The following FRMD4A variants were observed in gnomAD, a reference collection of about 807,000 sequenced individuals.
FRMD4A encodes the protein FERM domain containing 4A, also known as FERM domain-containing protein 4A.
A neutral mutation model predicts 129.1 loss-of-function variants in FRMD4A; 29 were observed. That is an observed-to-expected ratio of 0.22 (90% confidence interval 0.17 to 0.31). The LOEUF is 0.31. FRMD4A is among the 10% of genes least tolerant of loss of function. The pLI, the probability that FRMD4A is intolerant of heterozygous loss-of-function variation, is 1.00. For missense variants in FRMD4A, 1,272 were observed against 1,375.8 expected, an observed-to-expected ratio of 0.92 and a Z score of 1.19; for synonymous variants, 634 against 571.6, an observed-to-expected ratio of 1.11 and a Z score of -1.56.
chr10:14,050,409 A>T (rs563772769), intron 2 of FRMD4A, among the ~76,000 whole-genome samples: 1 of 152,332 alleles, frequency 6.6e-6, no homozygotes, highest in South Asian at 2.1e-4. Flanking sequence ...AGACTAATAG[A>T]GATGATGAAA....
intron 2 of FRMD4A, among the ~76,000 whole-genome samples, chr10:13,951,093 G>A (rs1254048737): frequency 1.3e-5 from 2 of 152,194 alleles, no homozygotes; most frequent in African/African-American, 2.4e-5. Flanking sequence ...GGCTAGGGCC[G>A]GGAGAGAGAA....
At chr10:14,272,549 A>G (rs1845198407) in intron 2 of FRMD4A, among the ~76,000 whole-genome samples, 1 of 152,206 alleles carries the variant, frequency 6.6e-6, no homozygotes, top group African/African-American at 2.4e-5. Context: ...TTGCTTCTCT[A>G]GAATTTCCTA....
chr10:14,070,239 G>A (rs1044554899), intron 2 of FRMD4A, among the ~76,000 whole-genome samples: 1 of 151,628 alleles, frequency 6.6e-6, no homozygotes, highest in African/African-American at 2.4e-5. Context: ...CCTGTGAGGT[G>A]TAATCCAGCA....
chr10:14,220,809 TG>T (rs746497173), intron 2 of FRMD4A, among the ~76,000 whole-genome samples: 63,532 of 107,290 alleles, frequency 0.59, 15,559 homozygotes, highest in Middle Eastern at 0.7. Context: ...TGTGTGTGTG[TG>T]TTTGTGTGTG....
chr10:13,817,269 T>C (rs1445046539), intron 3 of FRMD4A, among the ~76,000 whole-genome samples: 3 of 152,208 alleles, frequency 2.0e-5, no homozygotes, highest in Non-Finnish European at 2.9e-5. Context: ...AGTCAGTGCT[T>C]TGTGGCTCCA....
intron 21 of FRMD4A, among the ~76,000 whole-genome samples, chr10:13,657,788 G>GTTTTTTTTT (rs10695622): frequency 2.1e-4 from 30 of 143,328 alleles, no homozygotes; most frequent in Middle Eastern, 3.7e-3. Context: ...CGATTTCTGG[G>GTTTTTTTTT]TTTTTTTTTT....
At position 13,646,684 on chromosome 10, in the gene FRMD4A, A is replaced by G. The variant is rs1189690794; in HGVS notation, c.*354T>C. The G allele has an allele frequency of 6.5e-6, 1 of 152,772 alleles. No individual in the cohort carries two copies. The highest frequency in any genetic ancestry group is 2.4e-5 in the African/African-American group (1 of 41,452). 9.5% of individuals were successfully genotyped at this position (152,772 alleles called of 1,614,324 possible). ...GCTGTCATGGCAGAGGGAAGCCACC[A>G]AGGTGCCATTGAGGATTGGTGTCTG... is the stretch of plus-strand genomic sequence containing the variant. On this transcript the variant is annotated 3_prime_UTR_variant, in exon 25 of 25. Transcript: ENST00000357447.
intron 17 of FRMD4A, among the ~76,000 whole-genome samples, chr10:13,669,892 C>T (rs1034628067): frequency 2.6e-5 from 4 of 152,184 alleles, no homozygotes; most frequent in Middle Eastern, 3.2e-3. Context: ...AGGCCAGGGC[C>T]GCCCAAGCAT....
chr10:14,111,607 G>T (rs1295015401), intron 2 of FRMD4A, among the ~76,000 whole-genome samples: 2 of 152,042 alleles, frequency 1.3e-5, no homozygotes, highest in Non-Finnish European at 2.9e-5. Context: ...ATTCACTGTG[G>T]ATTAATTCAT....
At chr10:13,822,964 C>T (rs1465770670) in intron 3 of FRMD4A, among the ~76,000 whole-genome samples, 2 of 152,120 alleles carry the variant, frequency 1.3e-5, no homozygotes, top group Non-Finnish European at 2.9e-5. Context: ...CTTTTAGTCT[C>T]CCCATTTGTC....
intron 11 of FRMD4A, among the ~76,000 whole-genome samples, chr10:13,738,338 G>C (rs933604854): frequency 6.6e-6 from 1 of 152,138 alleles, no homozygotes; most frequent in East Asian, 1.9e-4. Context: ...GACCTTCTGG[G>C]CAGAGAAACT....
chr10:13,801,200 T>C (rs1472768133), intron 4 of FRMD4A, among the ~76,000 whole-genome samples: 4 of 152,126 alleles, frequency 2.6e-5, no homozygotes, highest in African/African-American at 7.2e-5. Flanking sequence ...TGAGCCGAGA[T>C]TGCACCGCTG....
chr10:13,968,723 G>T (rs1196855689), intron 2 of FRMD4A, among the ~76,000 whole-genome samples: 1 of 152,208 alleles, frequency 6.6e-6, no homozygotes, highest in African/African-American at 2.4e-5. Context: ...CAAAGTGCTA[G>T]GATTACAGGC....
At chr10:13,733,709 G>A (rs1029937061) in intron 12 of FRMD4A, among the ~76,000 whole-genome samples, 46 of 152,228 alleles carry the variant, frequency 3.0e-4, no homozygotes, top group Non-Finnish European at 7.3e-5. Context: ...TTACAGGCGT[G>A]AGCCACCTCA....
At chr10:14,011,401 C>G (rs1194671939) in intron 2 of FRMD4A, among the ~76,000 whole-genome samples, 5 of 152,078 alleles carry the variant, frequency 3.3e-5, no homozygotes, top group Non-Finnish European at 1.5e-5. Flanking sequence ...TTATTAGAGC[C>G]AGGGGCCAGG....
rs147460917 is a variant in FRMD4A at position 13,817,503 on chromosome 10, C to T, written c.112-6595G>A. Among the ~76,000 whole-genome samples the T allele has an allele frequency of 3.7e-3, 559 of 152,312 alleles. 3 individuals carry two copies. Among genetic ancestry groups the T allele is most frequent in the African/African-American group, 0.013 (530 of 41,560 alleles). Reference sequence around the variant, plus strand: ...GGTTTGGCTGTGTCCCCATCCAAATCTCACCTTGAATTGTAATAATCCCCA... The same window carrying T: ...GGTTTGGCTGTGTCCCCATCCAAATTTCACCTTGAATTGTAATAATCCCCA... On this transcript the variant is annotated intron_variant, in intron 3 of 24. Transcript: ENST00000357447.
At chr10:14,211,585 G>A (rs963181038) in intron 2 of FRMD4A, among the ~76,000 whole-genome samples, 2 of 152,118 alleles carry the variant, frequency 1.3e-5, no homozygotes, top group African/African-American at 4.8e-5. Flanking sequence ...CCTTTCTCCT[G>A]CCATGATAAG....
intron 13 of FRMD4A, among the ~76,000 whole-genome samples, chr10:13,703,962 G>A (rs990611734): frequency 1.3e-5 from 2 of 152,082 alleles, no homozygotes; most frequent in Admixed American, 6.5e-5. Context: ...CCGAGATGGC[G>A]CCACTGCATT....
chr10:13,714,402 G>GTT (rs1263612514), intron 12 of FRMD4A, among the ~76,000 whole-genome samples: 1 of 145,622 alleles, frequency 6.9e-6, no homozygotes. Context: ...TATGTCAGAG[G>GTT]TTTTTTTTTT....
Sources: allele counts gnomAD v4.1 joint callset (sites outside exome capture counted in the v4.1 genomes callset), GRCh38; gene constraint gnomAD v4.1.1; transcripts MANE v1.5; gene names NCBI Gene and HGNC (gene_info 2026-07-23, HGNC 2026-07-21).